TUSC3: variants seen among roughly 807,000 people sequenced by gnomAD.
TUSC3 encodes dolichyl-diphosphooligosaccharide--protein glycosyltransferase subunit TUSC3.
Under a neutral mutation model 44.8 loss-of-function variants are expected in TUSC3, and 45 were observed. The observed-to-expected ratio is 1.00, with a 90% CI of 0.79 to 1.29. The LOEUF is 1.29. Ranked by LOEUF, TUSC3 falls within the 50% of genes most tolerant of loss-of-function variation. The pLI is 0.00. For synonymous variants in TUSC3, 212 were observed against 152.9 expected, an observed-to-expected ratio of 1.39 and a Z score of -2.85; for missense variants, 519 against 437.9, an observed-to-expected ratio of 1.19 and a Z score of -1.65.
At chr8:15,850,700 G>C in the TUSC3 span, among the ~76,000 whole-genome samples, 8 of 152,108 alleles carry the variant, frequency 5.3e-5, no homozygotes, top group Admixed American at 1.3e-4. Flanking sequence ...AATGGGTGAG[G>C]TGATGATGAC....
At chr8:15,524,888 T>A (rs925555528) in intron 2 of TUSC3, among the ~76,000 whole-genome samples, 1 of 152,198 alleles carries the variant, frequency 6.6e-6, no homozygotes, top group African/African-American at 2.4e-5. Context: ...ACACTGTCAC[T>A]CTTCTGTAAC....
chr8:15,434,141 T>G (rs977856734), intron 1 of TUSC3, among the ~76,000 whole-genome samples: 1 of 152,180 alleles, frequency 6.6e-6, no homozygotes, highest in African/African-American at 2.4e-5. Flanking sequence ...ACTTAAACTT[T>G]AGCCATTCTA....
chr8:15,523,660 ATATATGTGTGTGTG>A (rs1447977779), intron 2 of TUSC3, among the ~76,000 whole-genome samples: 4 of 16,394 alleles, frequency 2.4e-4, no homozygotes, highest in Admixed American at 8.8e-4. Flanking sequence ...ATATATATAT[ATATATGTGTGTGTG>A]TGTGTGTGTG....
the TUSC3 span, among the ~76,000 whole-genome samples, chr8:15,802,180 T>G: frequency 6.6e-6 from 1 of 152,200 alleles, no homozygotes; most frequent in African/African-American, 2.4e-5. Context: ...ATTAAACATA[T>G]TTTAATCTGC....
At chr8:15,555,971 G>A (rs898058519) in intron 1 of TUSC3, among the ~76,000 whole-genome samples, 1 of 150,842 alleles carries the variant, frequency 6.6e-6, no homozygotes, top group African/African-American at 2.4e-5. Context: ...GAAAATAGAG[G>A]TAAAAATCAA....
chr8:15,484,800 G>T (rs1585061805), intron 2 of TUSC3, among the ~76,000 whole-genome samples: 1 of 152,120 alleles, frequency 6.6e-6, no homozygotes, highest in Non-Finnish European at 1.5e-5. Context: ...CTTTTAAAAT[G>T]TTCATCCAAA....
At chr8:15,748,886 A>C (rs1012309906) in intron 9 of TUSC3, 2 of 389,694 alleles carry the variant, frequency 5.1e-6, no homozygotes, top group Non-Finnish European at 9.9e-6. Context: ...AAGAGCCAAC[A>C]TGAAAGGGAA....
intron 6 of TUSC3, among the ~76,000 whole-genome samples, chr8:15,689,863 T>TGTGTGTAA (rs1554475557): frequency 0.024 from 357 of 14,772 alleles, 4 homozygotes; most frequent in African/African-American, 0.038. Flanking sequence ...TGTGTGTGTG[T>TGTGTGTAA]ATAAATATAT....
chr8:15,670,784 A>G (rs1317574001), intron 5 of TUSC3, among the ~76,000 whole-genome samples: 1 of 151,908 alleles, frequency 6.6e-6, no homozygotes, highest in East Asian at 1.9e-4. Context: ...ACTATTTGCC[A>G]TGTGTATATT....
chr8:15,504,044 A>G (rs75164395), intron 2 of TUSC3, among the ~76,000 whole-genome samples: 2,348 of 152,026 alleles, frequency 0.015, 51 homozygotes, highest in African/African-American at 0.054. Context: ...TTCTGTAGAA[A>G]AGAACACACC....
the TUSC3 span, among the ~76,000 whole-genome samples, chr8:15,808,485 T>C: frequency 6.6e-6 from 1 of 152,152 alleles, no homozygotes; most frequent in Admixed American, 6.6e-5. Context: ...GTTCTCTCAA[T>C]ATATATCTCT....
chr8:15,727,404 T>G lies in TUSC3; in HGVS notation c.799-3262T>G, dbSNP rs148361975. Among the ~76,000 whole-genome samples the G allele has an allele frequency of 3.0e-3, 457 of 152,292 alleles. 2 individuals are homozygous for G. Among genetic ancestry groups the G allele is most frequent in the African/African-American group, 0.011 (440 of 41,574 alleles). ...TTGTAATTTGTGTAGCTGTAATTTGTGTAATTTGTAAGCTGCTTGAGAATA... is the reference window on the plus strand; with the variant it reads ...TTGTAATTTGTGTAGCTGTAATTTGGGTAATTTGTAAGCTGCTTGAGAATA... On this transcript the variant is annotated intron_variant, in intron 6 of 10. Transcript: ENST00000503731.
chr8:15,574,236 C>T (rs577916876), intron 1 of TUSC3, among the ~76,000 whole-genome samples: 16 of 152,228 alleles, frequency 1.1e-4, no homozygotes, highest in South Asian at 6.2e-4. Context: ...CTTCCTCTTG[C>T]GTTTCTCCTT....
Position 15,540,491 on chromosome 8 carries a change from C to G in TUSC3, c.61C>G (p.Pro21Ala), listed in dbSNP as rs1242587228. The G allele has an allele frequency of 5.6e-6, 9 of 1,608,450 alleles. No individual in the cohort carries two copies. Among genetic ancestry groups the G allele is most frequent in the Non-Finnish European group, 7.6e-6 (9 of 1,178,056 alleles). Residue 21 changes from proline (P) to alanine (A), a missense_variant, in exon 1 of 11, where the codon CCC becomes GCC. Physicochemically the swap from Pro to Ala is conservative, Grantham distance 27 (BLOSUM62 -1). Transcript: ENST00000503731. The stretch of plus-strand genomic sequence containing the variant: ...AGCGGGGCGGCGGCTGCGGTACCTG[C>G]CCACCGGGAGCTTTCCCTTCCTTCT... ...RQAGRRLRYL[P>A]TGSFPFLLLL...
Position 15,590,712 on chromosome 8 carries a change from C to T in TUSC3, c.139-32368C>T, listed in dbSNP as rs577913131. Among the ~76,000 whole-genome samples, 11 of 151,870 alleles carry T rather than the reference C, an allele frequency of 7.2e-5. No individual in the cohort carries two copies. In the South Asian group the frequency reaches 2.3e-3, roughly 32 times the overall value. ...TCTGAGACAGGGTTTTGCTCTGTTG[C>T]CCAGGCTGGAGTGCTGTGGTGCAAT... On this transcript the variant is annotated intron_variant, in intron 1 of 10. Transcript: ENST00000503731.
intron 1 of TUSC3, among the ~76,000 whole-genome samples, chr8:15,435,271 T>A (rs1484661277): frequency 6.6e-6 from 1 of 152,158 alleles, no homozygotes. Context: ...TTGATTTGCA[T>A]TTCTCTGGTG....
the TUSC3 span, among the ~76,000 whole-genome samples, chr8:15,776,944 T>G: frequency 3.3e-5 from 5 of 150,624 alleles, no homozygotes; most frequent in East Asian, 7.9e-4. Context: ...AAAAAAAAAA[T>G]AATTTAACTT....
chr8:15,500,463 A>T (rs1437675210), intron 2 of TUSC3, among the ~76,000 whole-genome samples: 1 of 152,202 alleles, frequency 6.6e-6, no homozygotes, highest in Non-Finnish European at 1.5e-5. Flanking sequence ...TCTAACTGCC[A>T]ATCATAATTT....
the TUSC3 span, among the ~76,000 whole-genome samples, chr8:15,819,813 G>C: frequency 1.7e-4 from 26 of 152,166 alleles, 1 homozygote; most frequent in South Asian, 4.1e-4. Context: ...TTCTAGAAAG[G>C]CTGAAATTTT....
Sources: allele counts gnomAD v4.1 joint callset (sites outside exome capture counted in the v4.1 genomes callset), GRCh38; gene constraint gnomAD v4.1.1; transcripts MANE v1.5; gene names NCBI Gene and HGNC (gene_info 2026-07-23, HGNC 2026-07-21).